The following EVI5 variants were observed in gnomAD, a reference collection of about 807,000 sequenced individuals.
EVI5 encodes ecotropic viral integration site 5 protein homolog.
A neutral mutation model predicts 112.0 loss-of-function variants in EVI5; 73 were observed. That is an observed-to-expected ratio of 0.65 (90% CI 0.54 to 0.79). The LOEUF (loss-of-function observed/expected upper bound fraction) is 0.79. Among genes scored for constraint, EVI5 ranks in the 30% least tolerant of loss-of-function variants. The probability of loss-of-function intolerance (pLI) is 0.00; values close to 1 mark genes in which losing one functional copy is unlikely to be tolerated. For synonymous variants in EVI5, 305 were observed against 319.9 expected (o/e 0.95, Z 0.50); for missense variants, 900 against 968.8 (o/e 0.93, Z 0.94).
intron 18 of EVI5, among the ~76,000 whole-genome samples, chr1:92,598,085 A>G (rs1648322429): frequency 6.6e-6 from 1 of 152,102 alleles, no homozygotes; most frequent in Non-Finnish European, 1.5e-5. Flanking sequence ...TCTGTCACCC[A>G]GGCTGGGGTG....
chr1:92,517,228 C>T (rs1027785272), intron 19 of EVI5, among the ~76,000 whole-genome samples: 2 of 152,168 alleles, frequency 1.3e-5, no homozygotes, highest in African/African-American at 4.8e-5. Context: ...TTGTCATCAT[C>T]ACCTAAACAA....
At chr1:92,607,214 A>G (rs1650617592) in intron 17 of EVI5, among the ~76,000 whole-genome samples, 1 of 152,162 alleles carries the variant, frequency 6.6e-6, no homozygotes, top group Non-Finnish European at 1.5e-5. Flanking sequence ...CTAATAAGAT[A>G]CCAATCAAAG....
chr1:92,620,996 T>C (rs1034083101), intron 16 of EVI5, among the ~76,000 whole-genome samples: 8 of 152,030 alleles, frequency 5.3e-5, no homozygotes, highest in African/African-American at 1.9e-4. Flanking sequence ...ATGAAGTGTA[T>C]AGTTATTTAT....
At chr1:92,525,267 CTTTTTTT>C (rs745392747) in intron 19 of EVI5, among the ~76,000 whole-genome samples, 1 of 104,402 alleles carries the variant, frequency 9.6e-6, no homozygotes, top group African/African-American at 3.8e-5. Context: ...ATGACAATGC[CTTTTTTT>C]TTTTTTTTTT....
chr1:92,547,369 G>A (rs374990635), intron 19 of EVI5, among the ~76,000 whole-genome samples: 3 of 152,116 alleles, frequency 2.0e-5, no homozygotes, highest in East Asian at 1.9e-4. Context: ...GGAAATTTAT[G>A]GCACTAAATG....
rs1163244458 is a variant in EVI5, at chr1:92,784,851, T to TAG, written c.-99_-98dup. 1.0e-6 allele frequency: 1 copy of TAG among 984,758 alleles called. No homozygotes were observed. Among genetic ancestry groups the TAG allele is most frequent in the Non-Finnish European group, 1.2e-6 (1 of 830,112 alleles). The allele number at this position is 984,758 out of a possible 1,614,324, so 61.0% of individuals were successfully genotyped here. On this transcript the variant is annotated 5_prime_UTR_variant, in exon 1 of 20. Transcript: ENST00000684568. ...CGCCCCTCACCTTGGAAACGTTGAG[T>TAG]AGACTTCGCCGTAAACATTAACTTC... is the stretch of plus-strand genomic sequence containing the variant.
chr1:92,616,978 T>G (rs1653331158), intron 16 of EVI5, among the ~76,000 whole-genome samples: 1 of 152,206 alleles, frequency 6.6e-6, no homozygotes, highest in South Asian at 2.1e-4. Context: ...GTAGCTCAAA[T>G]GCCCATGGTC....
intron 1 of EVI5, among the ~76,000 whole-genome samples, chr1:92,782,356 GA>G (rs546699263): frequency 6.6e-6 from 1 of 151,510 alleles, no homozygotes; most frequent in Admixed American, 6.6e-5. Context: ...AATACAGACT[GA>G]AAAAAATAAA....
chr1:92,694,293 A>T lies in EVI5; in HGVS notation c.999+6T>A. ...AAAAAAAAAAGAAAATAAATTATGAACTTACCTGTAACATCCCTTCCATGT... is the reference window on the plus strand; with the variant it reads ...AAAAAAAAAAGAAAATAAATTATGATCTTACCTGTAACATCCCTTCCATGT... On this transcript the variant is annotated splice_donor_region_variant and intron_variant, in intron 8 of 19. Transcript: ENST00000684568. 1 of 1,519,018 alleles carries T rather than the reference A, an allele frequency of 6.6e-7. No homozygotes were observed. The highest frequency in any genetic ancestry group is 1.4e-5 in the African/African-American group (1 of 71,752). The allele number at this position is 1,519,018 out of a possible 1,614,324, so 94.1% of individuals were successfully genotyped here.
At chr1:92,539,014 T>C (rs532066618) in intron 19 of EVI5, among the ~76,000 whole-genome samples, 12 of 152,160 alleles carry the variant, frequency 7.9e-5, no homozygotes. Context: ...GGCAGTGGAG[T>C]AGTGTCATTA....
chr1:92,789,416 C>T (rs1685921322), upstream of EVI5, among the ~76,000 whole-genome samples: 1 of 152,076 alleles, frequency 6.6e-6, no homozygotes, highest in South Asian at 2.1e-4. Context: ...CATTCTCCTG[C>T]CTCAGCCTCC....
At chr1:92,629,917 T>C (rs908822482) in intron 14 of EVI5, among the ~76,000 whole-genome samples, 1 of 150,558 alleles carries the variant, frequency 6.6e-6, no homozygotes, top group Non-Finnish European at 1.5e-5. Flanking sequence ...ACATGTGGTG[T>C]TTGGTATTTT....
intron 19 of EVI5, among the ~76,000 whole-genome samples, chr1:92,543,860 C>T (rs1665241680): frequency 6.6e-6 from 1 of 152,190 alleles, no homozygotes; most frequent in African/African-American, 2.4e-5. Context: ...TTGCTCAATG[C>T]AGGATTGCGA....
At chr1:92,650,218 A>G (rs1661844176) in intron 13 of EVI5, among the ~76,000 whole-genome samples, 1 of 152,134 alleles carries the variant, frequency 6.6e-6, no homozygotes, top group South Asian at 2.1e-4. Flanking sequence ...GCAAAAGTCC[A>G]TGGGAATTTT....
chr1:92,576,242 G>T (rs1220033349), intron 18 of EVI5, among the ~76,000 whole-genome samples: 1 of 149,514 alleles, frequency 6.7e-6, no homozygotes, highest in Non-Finnish European at 1.5e-5. Context: ...TGTATGTCAT[G>T]TGTACATATG....
chr1:92,566,493 T>C lies in EVI5; in HGVS notation c.2071-2756A>G, dbSNP rs1028662716. ...GCCAGTTGTATAAATGTATGGCATA[T>C]ACAATTATGCACAGTGGATAATAAT... is the stretch of plus-strand genomic sequence containing the variant. On this transcript the variant is annotated intron_variant, in intron 18 of 19. Coordinates refer to ENST00000684568, the MANE Select transcript of EVI5 (RefSeq NM_001350197.2). Among the ~76,000 whole-genome samples the C allele has an allele frequency of 4.6e-5, 7 of 152,314 alleles. 1 individual carries two copies. The highest frequency in any genetic ancestry group is 1.7e-4 in the African/African-American group (7 of 41,572).
intron 18 of EVI5, among the ~76,000 whole-genome samples, chr1:92,565,065 T>G (rs1229088990): frequency 6.6e-5 from 10 of 152,178 alleles, no homozygotes; most frequent in Admixed American, 5.2e-4. Flanking sequence ...GTGTTGATGC[T>G]TAAAATGTTA....
At chr1:92,514,123 GTT>G (rs1283827052) in intron 19 of EVI5, among the ~76,000 whole-genome samples, 153 bp from the exon 20 acceptor site, 1 of 40,304 alleles carries the variant, frequency 2.5e-5, no homozygotes, top group East Asian at 3.1e-3. Flanking sequence ...CCTTCTATGT[GTT>G]ATATATAATG....
intron 19 of EVI5, among the ~76,000 whole-genome samples, chr1:92,532,653 A>G (rs1421914891): frequency 2.0e-5 from 3 of 152,234 alleles, no homozygotes; most frequent in Admixed American, 6.5e-5. Flanking sequence ...GCACAACTAC[A>G]TGGAAACTGA....
Sources: gnomAD v4.1 joint callset for allele counts (sites outside exome capture counted in the v4.1 genomes callset) on GRCh38, gnomAD v4.1.1 for gene constraint, MANE v1.5 for transcripts, NCBI Gene and HGNC (gene_info 2026-07-23, HGNC 2026-07-21) for gene names.